GNPAT: variants seen among roughly 807,000 people sequenced by gnomAD.
GNPAT encodes glyceronephosphate O-acyltransferase.
In GNPAT, 30 loss-of-function variants were observed where a neutral mutation model predicts 78.4. That is an observed-to-expected ratio of 0.38 (90% CI 0.29 to 0.52). The LOEUF is 0.52. GNPAT is among the 20% of genes least tolerant of loss of function. GNPAT has a pLI of 0.84. For missense variants in GNPAT, 714 were observed against 812.2 expected, an observed-to-expected ratio of 0.88 and a Z score of 1.47; for synonymous variants, 271 against 281.1, an observed-to-expected ratio of 0.96 and a Z score of 0.36.
intron 2 of GNPAT, among the ~76,000 whole-genome samples, chr1:231,252,995 G>C (rs1409136697): frequency 2.0e-5 from 3 of 152,052 alleles, no homozygotes; most frequent in Non-Finnish European, 2.9e-5. Flanking sequence ...TTGAGACGGA[G>C]TCTTACTCTG....
chr1:231,253,828 A>G (rs981384527), intron 2 of GNPAT, among the ~76,000 whole-genome samples: 1 of 152,224 alleles, frequency 6.6e-6, no homozygotes, highest in Non-Finnish European at 1.5e-5. Context: ...CATAGTAGAC[A>G]TTCAATCAAT....
At chr1:231,251,996 T>C (rs1049108480) in intron 2 of GNPAT, among the ~76,000 whole-genome samples, 6 of 151,958 alleles carry the variant, frequency 3.9e-5, no homozygotes, top group African/African-American at 1.5e-4. Context: ...CCTAGAGAGG[T>C]AAGAGGGTCA....
intron 9 of GNPAT, among the ~76,000 whole-genome samples, chr1:231,268,609 CAAAAAA>C (rs376264408): frequency 9.2e-6 from 1 of 108,690 alleles, no homozygotes; most frequent in Non-Finnish European, 1.9e-5. Flanking sequence ...ACCCCATCTC[CAAAAAA>C]AAAAAAAAAA....
intron 2 of GNPAT, among the ~76,000 whole-genome samples, chr1:231,254,197 G>T (rs921709306): frequency 1.3e-5 from 2 of 152,214 alleles, no homozygotes; most frequent in African/African-American, 4.8e-5. Context: ...ATTCAGGCCA[G>T]TGTTTCTCTG....
At chr1:231,242,686 T>G (rs1310879928) in intron 1 of GNPAT, among the ~76,000 whole-genome samples, 2 of 152,242 alleles carry the variant, frequency 1.3e-5, no homozygotes. Flanking sequence ...CTTTTTAAGC[T>G]CCCAACTGGT....
intron 1 of GNPAT, among the ~76,000 whole-genome samples, chr1:231,242,591 A>G (rs938919332): frequency 4.6e-5 from 7 of 152,184 alleles, no homozygotes; most frequent in African/African-American, 1.7e-4. Context: ...TGTGGTGGAT[A>G]TCAACTTTGT....
At chr1:231,245,927 C>T (rs1254607865) in intron 1 of GNPAT, among the ~76,000 whole-genome samples, 2 of 152,064 alleles carry the variant, frequency 1.3e-5, no homozygotes, top group African/African-American at 2.4e-5. Context: ...CGAGATTGCG[C>T]CATTGCACTC....
intron 3 of GNPAT, 36 bp from the exon 4 acceptor site, chr1:231,262,687 A>G (rs1214064816): frequency 6.5e-7 from 1 of 1,549,420 alleles, no homozygotes; most frequent in Non-Finnish European, 8.9e-7. Flanking sequence ...TAACATGACA[A>G]CTGAAATTAT....
chr1:231,258,641 T>TTTC (rs1453523401), intron 2 of GNPAT, among the ~76,000 whole-genome samples: 2 of 133,350 alleles, frequency 1.5e-5, no homozygotes, highest in Non-Finnish European at 3.2e-5. Flanking sequence ...TTTTTTTTTT[T>TTTC]TTTTTTTTGA....
intron 14 of GNPAT, among the ~76,000 whole-genome samples, chr1:231,275,792 G>T (rs1420620890): frequency 6.6e-6 from 1 of 152,166 alleles, no homozygotes; most frequent in Non-Finnish European, 1.5e-5. Context: ...AGTGTAGTGG[G>T]CATATGAGTG....
At chr1:231,242,403 A>C (rs1684637762) in intron 1 of GNPAT, among the ~76,000 whole-genome samples, 1 of 152,178 alleles carries the variant, frequency 6.6e-6, no homozygotes, top group Admixed American at 6.5e-5. Context: ...CAAGATAAAC[A>C]CCCCAGTTTT....
At position 231,273,986 on chromosome 1, in the gene GNPAT, T is replaced by A; in HGVS notation, c.1667T>A (p.Ile556Asn). 1.9e-6 allele frequency: 3 copies of A among 1,611,146 alleles called. No individual in the cohort carries two copies. Among genetic ancestry groups the A allele is most frequent in the Non-Finnish European group, 2.5e-6 (3 of 1,177,246 alleles). Residue 556 changes from isoleucine (I) to asparagine (N), a missense_variant, in exon 12 of 16, where the codon ATC (isoleucine) becomes AAC (asparagine). Transcript: ENST00000366647. ...GCCATACAAGTGACTACGAAAGACA[T>A]CCTAGTTACAGAGAAAGGAAATACT... ...SEAIQVTTKD[I>N]LVTEKGNTVL...
chr1:231,241,788 A>T (rs560484132), intron 1 of GNPAT, among the ~76,000 whole-genome samples: 2 of 152,290 alleles, frequency 1.3e-5, no homozygotes, highest in East Asian at 3.9e-4. Context: ...ATCTCTAGCG[A>T]GGGCATGTCG....
intron 2 of GNPAT, among the ~76,000 whole-genome samples, chr1:231,260,272 C>T (rs1331147678): frequency 6.6e-6 from 1 of 152,170 alleles, no homozygotes; most frequent in East Asian, 1.9e-4. Context: ...GTTTTCTTCA[C>T]TCTAAAATGC....
Position 231,266,156 on chromosome 1 carries a change from G to A in GNPAT, c.915G>A (p.Glu305=), listed in dbSNP as rs574553. The change falls in exon 7 of 16, where the codon GAG becomes GAA. Residue 305 remains glutamate (E), a synonymous_variant. Coordinates refer to ENST00000366647, the MANE Select transcript of GNPAT (RefSeq NM_014236.4). The part of the protein sequence containing the change: ...YELLGVPKPK[E]STTGLLKARK... Reference sequence around the variant, plus strand: ...TTCTAGGGGTTCCTAAACCAAAAGAGTCTACAACTGTACGTGAGCTTGATT... The same window carrying A: ...TTCTAGGGGTTCCTAAACCAAAAGAATCTACAACTGTACGTGAGCTTGATT... The A allele has an allele frequency of 0.57, 910,880 of 1,611,462 alleles. 260,206 individuals carry two copies. Among genetic ancestry groups the A allele is most frequent in the African/African-American group, 0.69 (51,719 of 74,918 alleles).
chr1:231,241,294 C>A lies in GNPAT; in HGVS notation c.-85C>A, dbSNP rs1558320683. Reference sequence around the variant, plus strand: ...GCCGCCCTAGGCGAAGTAGGGCCGTCCTGAGCGAAAGAACCGCCCCCAGCA... The same window carrying A: ...GCCGCCCTAGGCGAAGTAGGGCCGTACTGAGCGAAAGAACCGCCCCCAGCA... On this transcript the variant is annotated 5_prime_UTR_variant, in exon 1 of 16. Transcript: ENST00000366647. The A allele has an allele frequency of 3.5e-6, 5 of 1,415,764 alleles. No individual in the cohort carries two copies. The highest frequency in any genetic ancestry group is 1.7e-5 in the Admixed American group (1 of 59,790). The allele number at this position is 1,415,764 out of a possible 1,614,324, so 87.7% of individuals were successfully genotyped here.
intron 4 of GNPAT, among the ~76,000 whole-genome samples, chr1:231,263,878 C>T (rs904338803): frequency 6.6e-6 from 1 of 152,046 alleles, no homozygotes; most frequent in African/African-American, 2.4e-5. Flanking sequence ...GCTTATTGGC[C>T]ATTTGTATAT....
intron 15 of GNPAT, among the ~76,000 whole-genome samples, chr1:231,277,213 G>A (rs764215304): frequency 2.6e-5 from 4 of 152,182 alleles, no homozygotes; most frequent in African/African-American, 9.7e-5. Flanking sequence ...ACTTAATCAC[G>A]GAAAGCAGAT....
At chr1:231,247,516 G>C (rs1684782153) in intron 1 of GNPAT, among the ~76,000 whole-genome samples, 1 of 152,212 alleles carries the variant, frequency 6.6e-6, no homozygotes, top group Non-Finnish European at 1.5e-5. Flanking sequence ...GGGAGAACCA[G>C]AATATGGGAC....
Sources: gnomAD v4.1 joint callset for allele counts (sites outside exome capture counted in the v4.1 genomes callset) on GRCh38, gnomAD v4.1.1 for gene constraint, MANE v1.5 for transcripts, NCBI Gene and HGNC (gene_info 2026-07-23, HGNC 2026-07-21) for gene names.